Variants in ARHGAP22 observed in about 807,000 individuals in gnomAD.
ARHGAP22 encodes Rho GTPase activating protein 22, also known as rho GTPase-activating protein 22.
In ARHGAP22, 48 loss-of-function variants were observed where a neutral mutation model predicts 59.1. The ratio of observed to expected loss-of-function variants is 0.81; its 90% CI spans 0.64 to 1.03. The LOEUF (loss-of-function observed/expected upper bound fraction) is 1.03. Ranked by LOEUF, ARHGAP22 falls within the 50% of genes least tolerant of loss-of-function variation. The pLI is 0.00. For missense variants in ARHGAP22, 1,015 were observed against 958.7 expected, an observed-to-expected ratio of 1.06 and a Z score of -0.78; for synonymous variants, 445 against 416.4, an observed-to-expected ratio of 1.07 and a Z score of -0.84.
intron 3 of ARHGAP22, chr10:48,493,295 C>G (rs1449755376): frequency 2.9e-5 from 27 of 927,254 alleles, no homozygotes; most frequent in Non-Finnish European, 3.9e-5. Flanking sequence ...TCCCTGCTGT[C>G]CTCCCAGTCT....
chr10:48,450,788 T>C lies in ARHGAP22; in HGVS notation c.1341A>G (p.Ser447=), dbSNP rs750976184. 5.7e-6 allele frequency: 9 copies of C among 1,569,110 alleles called. No individual in the cohort carries two copies. The highest frequency in any genetic ancestry group is 2.7e-5 in the African/African-American group (2 of 73,962). ...SLSGSPKGGG[S]SLEVPIISSG... is the part of the protein sequence containing the mutation. ...AGGAGATGATGGGCACCTCCAGGGA[T>C]GAGCCGCCCCCCTTCGGGCTTCCCG... The change falls in exon 9 of 10, where the codon TCA becomes TCG. Residue 447 remains serine, a synonymous_variant. Transcript: ENST00000249601.
chr10:48,545,944 CA>C (rs1445568721), intron 3 of ARHGAP22, among the ~76,000 whole-genome samples: 1 of 152,190 alleles, frequency 6.6e-6, no homozygotes, highest in Admixed American at 6.5e-5. Flanking sequence ...TCGTCTTACA[CA>C]GGGGGAAACT....
intron 1 of ARHGAP22, among the ~76,000 whole-genome samples, chr10:48,636,593 C>A (rs1194232490): frequency 6.6e-6 from 1 of 152,222 alleles, no homozygotes; most frequent in African/African-American, 2.4e-5. Context: ...CTTTTGCAGA[C>A]CACGATCTCC....
rs2055169082 is a variant in ARHGAP22, at chr10:48,534,510, C to T, written c.322+20953G>A. On this transcript the variant is annotated intron_variant, in intron 3 of 9. Transcript: ENST00000249601. ...AGCTCCCAAAGGGGACAGGTACTTCCCAGCAGCTGTGATGACATCAGACCC... is the reference window on the plus strand; with the variant it reads ...AGCTCCCAAAGGGGACAGGTACTTCTCAGCAGCTGTGATGACATCAGACCC... Among the ~76,000 whole-genome samples the T allele has an allele frequency of 3.9e-5, 6 of 152,312 alleles. No individual in the cohort carries two copies. In the South Asian group the frequency reaches 1.2e-3, roughly 32 times the overall value.
chr10:48,643,355 A>C (rs990915915), intron 1 of ARHGAP22, among the ~76,000 whole-genome samples: 3 of 152,148 alleles, frequency 2.0e-5, no homozygotes, highest in African/African-American at 7.2e-5. Flanking sequence ...AACCAACCCA[A>C]ATGCTCATCA....
chr10:48,570,235 C>G, intron 2 of ARHGAP22, among the ~76,000 whole-genome samples: 1 of 152,108 alleles, frequency 6.6e-6, no homozygotes, highest in East Asian at 1.9e-4. Flanking sequence ...AATACAGCAT[C>G]CCTTTAAAAA....
At chr10:48,564,287 T>G (rs931648614) in intron 2 of ARHGAP22, among the ~76,000 whole-genome samples, 2 of 152,188 alleles carry the variant, frequency 1.3e-5, no homozygotes, top group Non-Finnish European at 2.9e-5. Context: ...AGAGGAACGG[T>G]TAAATCATTT....
intron 3 of ARHGAP22, among the ~76,000 whole-genome samples, chr10:48,489,030 G>A (rs1211614526): frequency 6.6e-6 from 1 of 152,132 alleles, no homozygotes; most frequent in African/African-American, 2.4e-5. Flanking sequence ...CCCATCTCTT[G>A]GGGGTCATAG....
intron 3 of ARHGAP22, among the ~76,000 whole-genome samples, chr10:48,491,380 G>C (rs1022326543): frequency 6.6e-6 from 1 of 152,146 alleles, no homozygotes; most frequent in Non-Finnish European, 1.5e-5. Context: ...ACCTTCTTGG[G>C]GAATCTTTCC....
chr10:48,637,223 G>A (rs2061856128), intron 1 of ARHGAP22, among the ~76,000 whole-genome samples: 1 of 152,224 alleles, frequency 6.6e-6, no homozygotes, highest in South Asian at 2.1e-4. Context: ...TGTCGAGGTG[G>A]GGGGCAAGGG....
chr10:48,532,188 A>G (rs752323594), intron 3 of ARHGAP22, among the ~76,000 whole-genome samples: 35 of 152,160 alleles, frequency 2.3e-4, no homozygotes, highest in Non-Finnish European at 4.6e-4. Flanking sequence ...GCGAGCTCTC[A>G]AGATCACACA....
rs748738151 is a variant in ARHGAP22, at chr10:48,450,760, C to T, written c.1369G>A (p.Gly457Ser). ...AGCCCGTTCATAAGCCAGTTCCCGC[C>T]GGAGGAGATGATGGGCACCTCCAGG... ...SSLEVPIISS[G>S]GNWLMNGLSS... Residue 457 changes from glycine (G) to serine (S), a missense_variant, in exon 9 of 10, where the codon GGC (glycine) becomes AGC (serine). Gly to Ser is a moderately conservative substitution (Grantham distance 56, BLOSUM62 0). Coordinates refer to ENST00000249601, the MANE Select transcript of ARHGAP22 (RefSeq NM_021226.4). 7 of 1,561,860 alleles carry T rather than the reference C, an allele frequency of 4.5e-6. No individual in the cohort carries two copies. Among genetic ancestry groups the T allele is most frequent in the Admixed American group, 1.9e-5 (1 of 53,392 alleles).
At chr10:48,536,794 G>A (rs1332013858) in intron 3 of ARHGAP22, among the ~76,000 whole-genome samples, 3 of 152,172 alleles carry the variant, frequency 2.0e-5, no homozygotes, top group African/African-American at 7.2e-5. Context: ...GGCTCCCAGG[G>A]GGCAATGTAA....
At chr10:48,446,679 G>T in intron 9 of ARHGAP22, 60 bp from the exon 10 acceptor site, 1 of 1,507,348 alleles carries the variant, frequency 6.6e-7, no homozygotes, top group Non-Finnish European at 9.1e-7. Flanking sequence ...CTGTCCCATG[G>T]GTATACCATG....
intron 2 of ARHGAP22, among the ~76,000 whole-genome samples, chr10:48,579,219 T>C (rs1370441664): frequency 6.6e-6 from 1 of 152,222 alleles, no homozygotes; most frequent in Non-Finnish European, 1.5e-5. Context: ...TTTTGTTCCA[T>C]TTCAATTCAA....
intron 3 of ARHGAP22, among the ~76,000 whole-genome samples, chr10:48,484,424 A>G (rs2049656426): frequency 6.6e-6 from 1 of 152,210 alleles, no homozygotes; most frequent in South Asian, 2.1e-4. Context: ...TATTTTATGT[A>G]TCTTCATGAG....
intron 4 of ARHGAP22, among the ~76,000 whole-genome samples, chr10:48,476,799 C>T (rs757045687): frequency 1.3e-5 from 2 of 152,100 alleles, no homozygotes; most frequent in Admixed American, 6.5e-5. Context: ...GACATGTGGC[C>T]GGGGAGCCAG....
At position 48,446,587 on chromosome 10, in the gene ARHGAP22, C is replaced by A; in HGVS notation, c.1901G>T (p.Arg634Leu). 1 of 1,614,150 alleles carries A rather than the reference C, an allele frequency of 6.2e-7. No homozygotes were observed. Among genetic ancestry groups the A allele is most frequent in the Non-Finnish European group, 8.5e-7 (1 of 1,180,012 alleles). The change falls in exon 10 of 10, where the codon CGA becomes CTA. Residue 634 changes from arginine to leucine, a missense_variant. Transcript: ENST00000249601. ...IEEGSADLRK[R>L]MSRLEEELDQ... is the part of the protein sequence containing the mutation. ...CAGTTCTTCTTCTAACCGGGACATT[C>A]GTTTTCTCAGGTCAGCACTCCCTTC...
chr10:48,558,037 G>A (rs1395371812), intron 2 of ARHGAP22, among the ~76,000 whole-genome samples: 1 of 152,194 alleles, frequency 6.6e-6, no homozygotes, highest in Admixed American at 6.5e-5. Context: ...TGTTTTGGTG[G>A]TGTTTAACAA....
Sources: allele counts gnomAD v4.1 joint callset (sites outside exome capture counted in the v4.1 genomes callset), GRCh38; gene constraint gnomAD v4.1.1; transcripts MANE v1.5; gene names NCBI Gene and HGNC (gene_info 2026-07-23, HGNC 2026-07-21).